Variants in AGBL1 observed in about 807,000 individuals in gnomAD.
AGBL1 encodes cytosolic carboxypeptidase 4.
A neutral mutation model predicts 118.9 loss-of-function variants in AGBL1; 130 were observed. That is an observed-to-expected ratio of 1.09 (90% confidence interval 0.95 to 1.26). AGBL1 has a LOEUF of 1.26. Among genes scored for constraint, AGBL1 ranks in the 50% most tolerant of loss-of-function variants. AGBL1 has a pLI of 0.00. For synonymous variants in AGBL1, 555 were observed against 478.9 expected, an observed-to-expected ratio of 1.16 and a Z score of -2.08; for missense variants, 1,584 against 1,298.1, an observed-to-expected ratio of 1.22 and a Z score of -3.38.
chr15:86,246,043 A>G (rs765866391), intron 6 of AGBL1, among the ~76,000 whole-genome samples: 2 of 151,714 alleles, frequency 1.3e-5, no homozygotes, highest in Non-Finnish European at 2.9e-5. Context: ...AAGCCACCAC[A>G]TTTGGCTTAT....
chr15:86,178,261 C>G, intron 5 of AGBL1, among the ~76,000 whole-genome samples: 1 of 152,120 alleles, frequency 6.6e-6, no homozygotes, highest in East Asian at 1.9e-4. Context: ...TGCAGTGAGC[C>G]AAGGTCACAC....
At chr15:86,845,871 G>T (rs1337381634) in intron 22 of AGBL1, among the ~76,000 whole-genome samples, 1 of 152,040 alleles carries the variant, frequency 6.6e-6, no homozygotes, top group Non-Finnish European at 1.5e-5. Flanking sequence ...TCATAAATAT[G>T]TATATCTTTT....
At chr15:86,440,235 C>T (rs185862437) in intron 18 of AGBL1, among the ~76,000 whole-genome samples, 77 of 152,046 alleles carry the variant, frequency 5.1e-4, no homozygotes, top group Non-Finnish European at 9.3e-4. Flanking sequence ...AAACTTAATG[C>T]TATTTTCATG....
At chr15:86,823,977 A>G (rs2078974265) in intron 22 of AGBL1, among the ~76,000 whole-genome samples, 1 of 152,306 alleles carries the variant, frequency 6.6e-6, no homozygotes, top group East Asian at 1.9e-4. Context: ...TATTGTATTT[A>G]GTTATCAAAG....
At chr15:86,245,755 C>T (rs960693907) in intron 6 of AGBL1, among the ~76,000 whole-genome samples, 3 of 152,194 alleles carry the variant, frequency 2.0e-5, no homozygotes, top group Non-Finnish European at 4.4e-5. Flanking sequence ...TAAATCCCTG[C>T]TGGGTGGGCT....
At chr15:86,797,869 T>C (rs2078595296) in intron 22 of AGBL1, among the ~76,000 whole-genome samples, 1 of 152,184 alleles carries the variant, frequency 6.6e-6, no homozygotes, top group Non-Finnish European at 1.5e-5. Flanking sequence ...GAGGTAAAAT[T>C]ACTTCTTTTC....
chr15:86,119,617 T>C (rs1597418701), intron 1 of AGBL1, among the ~76,000 whole-genome samples: 1 of 151,310 alleles, frequency 6.6e-6, no homozygotes, highest in African/African-American at 2.4e-5. Context: ...AATGGCTAGG[T>C]GGTATAAAAA....
At chr15:86,690,378 T>C (rs1182665137) in intron 22 of AGBL1, among the ~76,000 whole-genome samples, 1 of 152,170 alleles carries the variant, frequency 6.6e-6, no homozygotes, top group African/African-American at 2.4e-5. Context: ...ATTGACAGCA[T>C]AGGGAGTTTG....
chr15:86,736,152 G>C (rs2077594298), intron 22 of AGBL1, among the ~76,000 whole-genome samples: 2 of 152,212 alleles, frequency 1.3e-5, no homozygotes, highest in South Asian at 4.1e-4. Flanking sequence ...AGAGGCCGAG[G>C]TGGGCAGATC....
At chr15:87,005,276 G>T (rs10852085) in intron 24 of AGBL1, among the ~76,000 whole-genome samples, 15,068 of 152,236 alleles carry the variant, frequency 0.099, 1,331 homozygotes, top group African/African-American at 0.23. Context: ...ATAATATCCT[G>T]CAGAGTGTTT....
intron 17 of AGBL1, among the ~76,000 whole-genome samples, chr15:86,358,777 G>T (rs892917329): frequency 6.6e-6 from 1 of 151,886 alleles, no homozygotes; most frequent in Admixed American, 6.6e-5. Context: ...GATTATTGAC[G>T]CTGAGCATCT....
chr15:86,528,439 C>T (rs2142213164), intron 19 of AGBL1, among the ~76,000 whole-genome samples: 1 of 152,306 alleles, frequency 6.6e-6, no homozygotes, highest in South Asian at 2.1e-4. Context: ...ATATCCCACA[C>T]CTGGCTCGGA....
chr15:86,976,430 A>G (rs1279397998), intron 23 of AGBL1, among the ~76,000 whole-genome samples: 1 of 151,888 alleles, frequency 6.6e-6, no homozygotes. Context: ...TTTCTTTCTC[A>G]AGTACCCCAG....
At chr15:86,782,226 A>T (rs1033341501) in intron 22 of AGBL1, among the ~76,000 whole-genome samples, 1 of 152,138 alleles carries the variant, frequency 6.6e-6, no homozygotes, top group East Asian at 1.9e-4. Context: ...CAAAATCTTT[A>T]TTATTTTTTA....
In AGBL1 at chr15:86,819,042, T is replaced by G. The variant is rs139307136; in HGVS notation, c.3159-88045T>G. 1.4e-3 allele frequency among the ~76,000 whole-genome samples: 218 copies of G among 152,134 alleles called. 1 individual carries two copies. Among genetic ancestry groups the G allele is most frequent in the Non-Finnish European group, 2.6e-3 (174 of 68,012 alleles). ...GTTTATGCCTTTACCATTATATGCC[T>G]TTTTCTAACAGCATTTTTGTCTGGA... On this transcript the variant is annotated intron_variant, in intron 22 of 22. Coordinates refer to ENST00000614907, the MANE Select transcript of AGBL1 (RefSeq NM_001386094.1).
chr15:86,258,952 G>A (rs188287029), intron 9 of AGBL1, among the ~76,000 whole-genome samples: 50 of 152,250 alleles, frequency 3.3e-4, no homozygotes, highest in African/African-American at 9.1e-4. Context: ...TGGTCTGCCC[G>A]CCTCAGCCTC....
chr15:86,143,643 C>T (rs991363822), intron 2 of AGBL1, 56 bp from the exon 3 acceptor site: 1 of 1,591,214 alleles, frequency 6.3e-7, no homozygotes, highest in Non-Finnish European at 8.6e-7. Flanking sequence ...GTCTTCTGCT[C>T]CAAGGAAAAT....
At chr15:86,896,928 A>G (rs2080137805) in intron 22 of AGBL1, among the ~76,000 whole-genome samples, 1 of 152,208 alleles carries the variant, frequency 6.6e-6, no homozygotes, top group Non-Finnish European at 1.5e-5. Flanking sequence ...TTTCTCAAGT[A>G]GTGTCTCCCT....
downstream of AGBL1, chr15:87,029,125 A>G: frequency 3.4e-6 from 1 of 297,554 alleles, no homozygotes; most frequent in East Asian, 5.5e-5. Context: ...TACATTAACT[A>G]AATGAATGAA....
Sources: gnomAD v4.1 joint callset for allele counts (sites outside exome capture counted in the v4.1 genomes callset) on GRCh38, gnomAD v4.1.1 for gene constraint, MANE v1.5 for transcripts, NCBI Gene and HGNC (gene_info 2026-07-23, HGNC 2026-07-21) for gene names.